NRP1: variants seen among roughly 807,000 people sequenced by gnomAD.
NRP1 encodes the protein neuropilin 1.
In NRP1, 35 loss-of-function variants were observed where a neutral mutation model predicts 106.7. The observed-to-expected ratio is 0.33, with a 90% CI of 0.25 to 0.43. The LOEUF (loss-of-function observed/expected upper bound fraction) is 0.43, where lower values mean the gene tolerates loss of function less well. Ranked by LOEUF, NRP1 falls within the 20% of genes least tolerant of loss-of-function variation. The probability of loss-of-function intolerance (pLI) is 1.00; values close to 1 mark genes in which losing one functional copy is unlikely to be tolerated. For synonymous variants in NRP1, 437 were observed against 417.9 expected (o/e 1.05, Z -0.56); for missense variants, 1,024 against 1,170.4 (o/e 0.87, Z 1.83).
chr10:33,188,910 AATATAT>A (rs9299704), intron 13 of NRP1, among the ~76,000 whole-genome samples: 30 of 111,384 alleles, frequency 2.7e-4, no homozygotes, highest in Non-Finnish European at 3.8e-4. Context: ...CCCTGTCTTA[AATATAT>A]ATATATATAT....
intron 2 of NRP1, among the ~76,000 whole-genome samples, chr10:33,307,865 G>C (rs1375303810): frequency 6.6e-6 from 1 of 152,050 alleles, no homozygotes; most frequent in African/African-American, 2.4e-5. Context: ...TCATTACTGG[G>C]TATATACCCA....
chr10:33,195,715 A>G, intron 12 of NRP1: 1 of 364,824 alleles, frequency 2.7e-6, no homozygotes, highest in Non-Finnish European at 5.5e-6. Context: ...AGAAGGTGAC[A>G]ATCAACAGAA....
rs193301791 is a variant in NRP1, at chr10:33,198,263, T to A, written c.1865-554A>T. On this transcript the variant is annotated intron_variant, in intron 11 of 16. Transcript: ENST00000374867. ...TTCAAGCGATTCTCCTGCCTCAGACTCCCGAGTAGCTGGGATTACAGGCGT... is the reference window on the plus strand; with the variant it reads ...TTCAAGCGATTCTCCTGCCTCAGACACCCGAGTAGCTGGGATTACAGGCGT... Among the ~76,000 whole-genome samples the A allele has an allele frequency of 4.4e-3, 670 of 151,678 alleles. 5 individuals are homozygous for A. The highest frequency in any genetic ancestry group is 0.015 in the African/African-American group (636 of 41,296).
chr10:33,188,867 C>G (rs1301145613), intron 13 of NRP1, among the ~76,000 whole-genome samples: 1 of 146,958 alleles, frequency 6.8e-6, no homozygotes, highest in African/African-American at 2.6e-5. Flanking sequence ...GAGCCAAGAT[C>G]ACACCACTGC....
chr10:33,315,787 G>T (rs577906800), intron 2 of NRP1, among the ~76,000 whole-genome samples: 22 of 152,330 alleles, frequency 1.4e-4, no homozygotes, highest in African/African-American at 4.8e-4. Context: ...ATCATTTCAG[G>T]TAGAACTAGG....
At chr10:33,257,234 C>T (rs1468016411) in intron 4 of NRP1, among the ~76,000 whole-genome samples, 1 of 152,136 alleles carries the variant, frequency 6.6e-6, no homozygotes, top group East Asian at 1.9e-4. Context: ...GACTTGTTTC[C>T]AGTGGCCAAG....
chr10:33,238,600 T>G (rs1840760950), intron 6 of NRP1, among the ~76,000 whole-genome samples: 1 of 152,156 alleles, frequency 6.6e-6, no homozygotes, highest in African/African-American at 2.4e-5. Context: ...ATCAATGCAT[T>G]CTGGTACAAC....
intron 6 of NRP1, among the ~76,000 whole-genome samples, chr10:33,232,509 T>C (rs1026861292): frequency 2.0e-5 from 3 of 152,098 alleles, no homozygotes; most frequent in African/African-American, 7.2e-5. Context: ...TTCACTGAAA[T>C]TGTTGAACAT....
At chr10:33,220,913 AAAAAAAAAAAG>A (rs1839190074) in intron 8 of NRP1, among the ~76,000 whole-genome samples, 1 of 150,770 alleles carries the variant, frequency 6.6e-6, no homozygotes. Context: ...AAAAAAAAAA[AAAAAAAAAAAG>A]AAAAACAAAT....
chr10:33,266,527 T>C (rs1460358028), intron 3 of NRP1, among the ~76,000 whole-genome samples: 1 of 152,244 alleles, frequency 6.6e-6, no homozygotes, highest in East Asian at 1.9e-4. Flanking sequence ...AAATTTGTTT[T>C]AATATTTTCC....
intron 10 of NRP1, among the ~76,000 whole-genome samples, chr10:33,203,425 T>G (rs1052294310): frequency 6.6e-5 from 10 of 152,214 alleles, no homozygotes; most frequent in Non-Finnish European, 1.2e-4. Context: ...TAGTATTGAC[T>G]ATGTTTGCTA....
At chr10:33,248,396 C>T (rs1306206548) in intron 6 of NRP1, among the ~76,000 whole-genome samples, 2 of 152,180 alleles carry the variant, frequency 1.3e-5, no homozygotes, top group Non-Finnish European at 2.9e-5. Context: ...ACCCTAAAGG[C>T]CATTTAGATT....
chr10:33,243,455 T>G (rs903706976), intron 6 of NRP1, among the ~76,000 whole-genome samples: 15 of 152,146 alleles, frequency 9.9e-5, no homozygotes, highest in African/African-American at 3.6e-4. Flanking sequence ...CCTGGAGAAT[T>G]TCACTGATAG....
At chr10:33,236,917 C>T (rs776139534) in intron 6 of NRP1, among the ~76,000 whole-genome samples, 40 of 152,106 alleles carry the variant, frequency 2.6e-4, no homozygotes, top group Non-Finnish European at 5.9e-4. Flanking sequence ...TTAACTGTCC[C>T]GCAGACAGGT....
chr10:33,197,597 C>T (rs377496015), intron 12 of NRP1, 53 bp downstream of exon 12: 30 of 1,432,566 alleles, frequency 2.1e-5, no homozygotes, highest in Admixed American at 7.5e-5. Flanking sequence ...AGCGCAGCCG[C>T]GGAGAGAAGA....
At chr10:33,310,641 T>C (rs1295955587) in intron 2 of NRP1, among the ~76,000 whole-genome samples, 2 of 152,138 alleles carry the variant, frequency 1.3e-5, no homozygotes, top group East Asian at 1.9e-4. Flanking sequence ...CTGGCCTCCA[T>C]CTCCTCTCAA....
At chr10:33,266,727 T>A (rs980963364) in intron 3 of NRP1, among the ~76,000 whole-genome samples, 7 of 152,134 alleles carry the variant, frequency 4.6e-5, no homozygotes, top group African/African-American at 1.7e-4. Context: ...GGTGATTGAA[T>A]CATGGGGGTG....
intron 16 of NRP1, among the ~76,000 whole-genome samples, chr10:33,181,661 C>T (rs985965936): frequency 2.3e-4 from 35 of 152,200 alleles, no homozygotes; most frequent in African/African-American, 7.5e-4. Context: ...CACAAAGCAG[C>T]GTTCAGCAAA....
rs1160746704 is a variant in NRP1 at position 33,186,069 on chromosome 10, G to GTT, written c.2334+147_2334+148insAA. On this transcript the variant is annotated intron_variant, in intron 14 of 16. Coordinates refer to ENST00000374867, the MANE Select transcript of NRP1 (RefSeq NM_003873.7). ...GGAGACTGTGAAATCTGCTATTAAG[G>GTT]TGGTTATCATTGCAGCAATATCTCA... 152 of 1,042,974 alleles carry GTT rather than the reference G, an allele frequency of 1.5e-4. No individual in the cohort carries two copies. The East Asian group carries it at 3.9e-3, about 26-fold the overall frequency. The allele number at this position is 1,042,974 out of a possible 1,614,324, so 64.6% of individuals were successfully genotyped here.
Sources: allele counts gnomAD v4.1 joint callset (sites outside exome capture counted in the v4.1 genomes callset), GRCh38; gene constraint gnomAD v4.1.1; transcripts MANE v1.5; gene names NCBI Gene and HGNC (gene_info 2026-07-23, HGNC 2026-07-21).